Variants in KIF13B observed in about 807,000 individuals in gnomAD.
KIF13B encodes kinesin family member 13B, also known as kinesin-like protein KIF13B.
A neutral mutation model predicts 222.0 loss-of-function variants in KIF13B; 127 were observed. The ratio of observed to expected loss-of-function variants is 0.57; its 90% CI spans 0.50 to 0.66. KIF13B has a LOEUF of 0.66. KIF13B is among the 30% of genes least tolerant of loss of function. The pLI is 0.00. For synonymous variants in KIF13B, 976 were observed against 919.0 expected (o/e 1.06, Z -1.12); for missense variants, 2,173 against 2,379.0 (o/e 0.91, Z 1.80).
At position 29,177,777 on chromosome 8, in the gene KIF13B, GC is replaced by G. The variant is rs199749097; in HGVS notation, c.721-200del. Reference sequence around the variant, plus strand: ...TAAATAAAAATAGCTGGCCATGGTGGCGTGTGCCTGTAGTCCCAGCTACTTG... The same window carrying G: ...TAAATAAAAATAGCTGGCCATGGTGGGTGTGCCTGTAGTCCCAGCTACTTG... On this transcript the variant is annotated intron_variant, in intron 8 of 39. Coordinates refer to ENST00000524189, the MANE Select transcript of KIF13B (RefSeq NM_015254.4). Among the ~76,000 whole-genome samples the G allele has an allele frequency of 5.6e-4, 86 of 152,286 alleles. 4 individuals carry two copies. The East Asian group carries it at 0.016, about 28-fold the overall frequency.
At chr8:29,230,859 G>A (rs1053271244) in intron 2 of KIF13B, among the ~76,000 whole-genome samples, 1 of 152,164 alleles carries the variant, frequency 6.6e-6, no homozygotes, top group Non-Finnish European at 1.5e-5. Flanking sequence ...CAATGCCAGA[G>A]TGTGACCTAA....
chr8:29,206,669 G>A (rs147186503), intron 2 of KIF13B, among the ~76,000 whole-genome samples: 7 of 152,220 alleles, frequency 4.6e-5, no homozygotes, highest in East Asian at 1.9e-4. Context: ...ACAGTCTGCC[G>A]TGCCAAGCAC....
Position 29,245,379 on chromosome 8 carries a change from G to T in KIF13B, c.116C>A (p.Pro39His). ...DVDANKVILN[P>H]VNTNLSKGDA... ...TCCTTTGGAAAGATTCGTATTTACA[G>T]GATTAAGAATAACCTTGTTTGCATC... The change falls in exon 2 of 40, where the codon CCT becomes CAT. Residue 39 changes from proline to histidine, a missense_variant. Pro to His is a moderately conservative substitution (Grantham distance 77). Coordinates refer to ENST00000524189, the MANE Select transcript of KIF13B (RefSeq NM_015254.4). 1 of 1,602,370 alleles carries T rather than the reference G, an allele frequency of 6.2e-7. No individual in the cohort carries two copies. Among genetic ancestry groups the T allele is most frequent in the Non-Finnish European group, 8.5e-7 (1 of 1,173,794 alleles).
At chr8:29,087,100 C>CA (rs1478606886) in intron 37 of KIF13B, among the ~76,000 whole-genome samples, 2 of 152,234 alleles carry the variant, frequency 1.3e-5, no homozygotes, top group African/African-American at 4.8e-5. Flanking sequence ...TGATTGGTGA[C>CA]ACAGAGGATG....
At chr8:29,261,891 T>C (rs985814674) in intron 1 of KIF13B, among the ~76,000 whole-genome samples, 3 of 152,060 alleles carry the variant, frequency 2.0e-5, no homozygotes, top group Admixed American at 2.0e-4. Flanking sequence ...TGTCTCAATA[T>C]ATACAAAAGA....
chr8:29,182,246 AC>A (rs1490034866), intron 6 of KIF13B, among the ~76,000 whole-genome samples: 23 of 152,272 alleles, frequency 1.5e-4, no homozygotes, highest in Non-Finnish European at 2.8e-4. Flanking sequence ...CTATTTACTT[AC>A]TACAAAGAAT....
intron 22 of KIF13B, among the ~76,000 whole-genome samples, chr8:29,133,132 T>C (rs974516626): frequency 2.6e-5 from 4 of 152,142 alleles, no homozygotes; most frequent in African/African-American, 9.7e-5. Flanking sequence ...AGAGATGAAA[T>C]GGATCAAGTG....
rs1395913001 is a variant in KIF13B, at chr8:29,110,136, C to T, written c.3931-66G>A. 9 of 1,232,794 alleles carry T rather than the reference C, an allele frequency of 7.3e-6. No homozygotes were observed. The South Asian group carries it at 1.2e-4, about 17-fold the overall frequency. The allele number at this position is 1,232,794 out of a possible 1,614,324, so 76.4% of individuals were successfully genotyped here. The stretch of plus-strand genomic sequence containing the variant: ...GTACACACACACACGTACACGCGTG[C>T]ACACACAGACACACAGAACGTATTC... On this transcript the variant is annotated intron_variant, in intron 32 of 39. Coordinates refer to ENST00000524189, the MANE Select transcript of KIF13B (RefSeq NM_015254.4).
chr8:29,118,689 G>A (rs934477083), intron 30 of KIF13B, among the ~76,000 whole-genome samples, 179 bp downstream of exon 30: 1 of 152,206 alleles, frequency 6.6e-6, no homozygotes, highest in African/African-American at 2.4e-5. Context: ...AGGAAAAGGT[G>A]AATGGATGTA....
chr8:29,215,020 AG>A (rs1202459055), intron 2 of KIF13B, among the ~76,000 whole-genome samples: 1 of 152,190 alleles, frequency 6.6e-6, no homozygotes, highest in African/African-American at 2.4e-5. Flanking sequence ...AAAACTGTTC[AG>A]GGCTGTGACA....
intron 2 of KIF13B, among the ~76,000 whole-genome samples, chr8:29,240,287 G>A (rs1486941280): frequency 1.3e-5 from 2 of 149,500 alleles, no homozygotes; most frequent in Middle Eastern, 3.4e-3. Flanking sequence ...AAAAAAAGCA[G>A]CAGTCATTGT....
At chr8:29,224,404 T>A (rs900276655) in intron 2 of KIF13B, among the ~76,000 whole-genome samples, 1 of 152,194 alleles carries the variant, frequency 6.6e-6, no homozygotes, top group African/African-American at 2.4e-5. Flanking sequence ...GGTGGCTTAT[T>A]TATTATTAAC....
chr8:29,076,925 T>G (rs1475154902), intron 37 of KIF13B, among the ~76,000 whole-genome samples: 1 of 152,060 alleles, frequency 6.6e-6, no homozygotes, highest in Admixed American at 6.5e-5. Context: ...CAGTGAGCTA[T>G]GATCACACCA....
At position 29,070,683 on chromosome 8, in the gene KIF13B, G is replaced by A. The variant is rs759254377; in HGVS notation, c.5302C>T (p.Arg1768Cys). ...YGLLVRPSRV[R>C]RATGPVRRRS... ...CGCCGCACAGGGCCCGTGGCCCTGC[G>A]GACCCGGCTGGGCCTGACCAGCAGC... Residue 1768 changes from arginine to cysteine, a missense_variant, in exon 40 of 40, where the codon CGC (arginine) becomes TGC (cysteine). Arg to Cys is a radical substitution (Grantham distance 180). Coordinates refer to ENST00000524189, the MANE Select transcript of KIF13B (RefSeq NM_015254.4). The surrounding 1 kb of genome is among the most constrained non-coding windows in gnomAD (Gnocchi z 4.1). 2.4e-5 allele frequency: 37 copies of A among 1,560,438 alleles called. No homozygotes were observed. The highest frequency in any genetic ancestry group is 1.9e-4 in the South Asian group (16 of 85,260).
At chr8:29,163,422 G>A (rs1163660805) in intron 12 of KIF13B, among the ~76,000 whole-genome samples, 1 of 152,166 alleles carries the variant, frequency 6.6e-6, no homozygotes, top group East Asian at 1.9e-4. Flanking sequence ...CAGCTAACTT[G>A]CAACTGCCCC....
chr8:29,071,826 G>T lies in KIF13B; in HGVS notation c.5012C>A (p.Pro1671Gln). 6.5e-7 allele frequency: 1 copy of T among 1,542,236 alleles called. No individual in the cohort carries two copies. The highest frequency in any genetic ancestry group is 1.2e-5 in the South Asian group (1 of 83,990). Residue 1671 changes from proline to glutamine, a missense_variant, in exon 39 of 40, where the codon CCG becomes CAG. By Grantham distance (76) the Pro-to-Gln change is moderately conservative. Transcript: ENST00000524189. The surrounding 1 kb of genome is among the most constrained non-coding windows in gnomAD (Gnocchi z 4.9). ...GGCCGGCGCATTCCCCTCGGCCCCC[G>T]GGGAGCAGCCGGGGTCCCCAGCCAG... Reference protein sequence around the residue: ...RMLAGDPGCSPGAEGNAPAPG... With the variant: ...RMLAGDPGCSQGAEGNAPAPG...
intron 13 of KIF13B, among the ~76,000 whole-genome samples, chr8:29,156,807 G>A (rs373194839): frequency 2.6e-5 from 4 of 151,844 alleles, no homozygotes; most frequent in South Asian, 2.1e-4. Flanking sequence ...ATGTGTGAGC[G>A]ACTGTGCCCA....
chr8:29,135,520 G>A (rs79684869), intron 21 of KIF13B, among the ~76,000 whole-genome samples: 1,564 of 152,192 alleles, frequency 0.01, 22 homozygotes, highest in African/African-American at 0.032. Flanking sequence ...ACCTGGTCAC[G>A]TTCTGCATGT....
At position 29,148,713 on chromosome 8, in the gene KIF13B, A is replaced by T; in HGVS notation, c.1677T>A (p.Asp559Glu). 6.2e-7 allele frequency: 1 copy of T among 1,610,222 alleles called. No individual in the cohort carries two copies. The highest frequency in any genetic ancestry group is 8.5e-7 in the Non-Finnish European group (1 of 1,178,294). ...KKAEREDEDQ[D>E]PSMKNENSSE... ...AACTATTCTCGTTCTTCATGGAGGGATCCTGGTCCTCATCCTCTCGTTCTG... is the reference window on the plus strand; with the variant it reads ...AACTATTCTCGTTCTTCATGGAGGGTTCCTGGTCCTCATCCTCTCGTTCTG... The change falls in exon 16 of 40, where the codon GAT (aspartate) becomes GAA (glutamate). Residue 559 changes from aspartate (D) to glutamate (E), a missense_variant. Physicochemically the swap from Asp to Glu is conservative, Grantham distance 45. This residue lies in a region of KIF13B where 1,480 missense variants were observed against 1,722.8 expected (regional missense o/e 0.86). Coordinates refer to ENST00000524189, the MANE Select transcript of KIF13B (RefSeq NM_015254.4).
Sources: gnomAD v4.1 joint callset for allele counts (sites outside exome capture counted in the v4.1 genomes callset) on GRCh38, gnomAD v4.1.1 for gene constraint, gnomAD v4.1.1 regional missense constraint, Gnocchi (gnomAD v3.1) non-coding constraint, MANE v1.5 for transcripts, NCBI Gene and HGNC (gene_info 2026-07-23, HGNC 2026-07-21) for gene names.